Variants in FRMPD1 observed in about 807,000 individuals in gnomAD.
The protein encoded by FRMPD1 is FERM and PDZ domain containing 1.
FRMPD1 carries 76 observed loss-of-function variants against 117.8 expected under a neutral mutation model. The observed-to-expected ratio is 0.65, with a 90% confidence interval of 0.54 to 0.78. FRMPD1 has a LOEUF of 0.78. FRMPD1 is among the 30% of genes least tolerant of loss of function. The probability of loss-of-function intolerance (pLI) is 0.00; values close to 1 mark genes in which losing one functional copy is unlikely to be tolerated. For synonymous variants in FRMPD1, 783 were observed against 770.4 expected (o/e 1.02, Z -0.27); for missense variants, 1,786 against 1,964.5 (o/e 0.91, Z 1.72).
chr9:37,636,599 C>G, the FRMPD1 span: 1 of 960,694 alleles, frequency 1.0e-6, no homozygotes, highest in Non-Finnish European at 1.5e-6. Context: ...CTCAAATGCC[C>G]CAGGAGAGGA....
the FRMPD1 span, among the ~76,000 whole-genome samples, chr9:37,604,453 G>A: frequency 3.3e-5 from 5 of 152,104 alleles, no homozygotes; most frequent in African/African-American, 1.2e-4. Context: ...CTGAGAGGTG[G>A]GTGGAAACAC....
At chr9:37,626,490 G>C in the FRMPD1 span, among the ~76,000 whole-genome samples, 1 of 103,370 alleles carries the variant, frequency 9.7e-6, no homozygotes, top group Non-Finnish European at 1.9e-5. Context: ...GGACGACAGA[G>C]ACTTAGTCTC....
intron 15 of FRMPD1, among the ~76,000 whole-genome samples, chr9:37,742,296 G>A (rs865985992): frequency 2.6e-5 from 4 of 152,154 alleles, no homozygotes; most frequent in African/African-American, 7.2e-5. Context: ...CCATTGTGCC[G>A]GGGGGCAGGA....
At chr9:37,744,279 A>G (rs756696730) in intron 15 of FRMPD1, 110 bp from the exon 16 acceptor site, 12 of 735,640 alleles carry the variant, frequency 1.6e-5, no homozygotes, top group Non-Finnish European at 2.5e-5. Context: ...GCTCAAGGTT[A>G]CACAGCCTAG....
At chr9:37,621,059 G>A in the FRMPD1 span, among the ~76,000 whole-genome samples, 11 of 152,210 alleles carry the variant, frequency 7.2e-5, no homozygotes, top group South Asian at 4.2e-4. Flanking sequence ...AATGATAGTC[G>A]AAATTGATGG....
At chr9:37,717,371 A>ATGTGTG (rs1823181049) in intron 5 of FRMPD1, among the ~76,000 whole-genome samples, 1 of 92,944 alleles carries the variant, frequency 1.1e-5, no homozygotes, top group Non-Finnish European at 2.3e-5. Context: ...GTGTGTGTGT[A>ATGTGTG]TATATATATA....
At chr9:37,721,734 A>G (rs1823406718) in intron 6 of FRMPD1, among the ~76,000 whole-genome samples, 1 of 152,230 alleles carries the variant, frequency 6.6e-6, no homozygotes, top group Non-Finnish European at 1.5e-5. Context: ...CCAAAATGGA[A>G]AAACATGCTC....
intron 2 of FRMPD1, among the ~76,000 whole-genome samples, chr9:37,701,509 A>G (rs1047740238): frequency 2.4e-5 from 2 of 84,610 alleles, no homozygotes; most frequent in African/African-American, 7.2e-5. Flanking sequence ...GTGTGCATGT[A>G]CGTGTGTGTG....
chr9:37,603,273 C>G, the FRMPD1 span, among the ~76,000 whole-genome samples: 1 of 152,180 alleles, frequency 6.6e-6, no homozygotes, highest in Non-Finnish European at 1.5e-5. Context: ...TCTACAGTCT[C>G]TTCCAGGATT....
In FRMPD1 at chr9:37,709,523, C is replaced by A. The variant is rs149878630; in HGVS notation, c.362+1022C>A. Among the ~76,000 whole-genome samples the A allele has an allele frequency of 3.7e-4, 56 of 151,544 alleles. No homozygotes were observed. In the East Asian group the frequency reaches 8.9e-3, roughly 24 times the overall value. ...TGGGCCACGATTGTACCACTGCACT[C>A]CAGCCTGGGTGACAGAACAAGACTC... On this transcript the variant is annotated intron_variant, in intron 4 of 15. Transcript: ENST00000377765.
chr9:37,723,810 TG>T (rs1474281805), intron 6 of FRMPD1, among the ~76,000 whole-genome samples: 2 of 151,580 alleles, frequency 1.3e-5, no homozygotes, highest in Non-Finnish European at 2.9e-5. Context: ...CTGGCCAACA[TG>T]GTGAAACCCC....
intron 2 of FRMPD1, among the ~76,000 whole-genome samples, chr9:37,702,606 C>T (rs550876992): frequency 6.6e-6 from 1 of 152,248 alleles, no homozygotes; most frequent in Non-Finnish European, 1.5e-5. Flanking sequence ...GAGGTAAGAT[C>T]AGTCTGGAGT....
At chr9:37,626,500 CAAAA>C in the FRMPD1 span, among the ~76,000 whole-genome samples, 3 of 87,264 alleles carry the variant, frequency 3.4e-5, no homozygotes, top group Non-Finnish European at 4.6e-5. Flanking sequence ...GACTTAGTCT[CAAAA>C]AAAAAAAAAA....
At chr9:37,741,224 G>A (rs1255739268) in intron 15 of FRMPD1, among the ~76,000 whole-genome samples, 6 of 152,130 alleles carry the variant, frequency 3.9e-5, no homozygotes, top group African/African-American at 1.2e-4. Flanking sequence ...CCGGCAGAGC[G>A]AAGTGGCTAT....
At chr9:37,609,299 A>AAG in the FRMPD1 span, among the ~76,000 whole-genome samples, 1 of 152,084 alleles carries the variant, frequency 6.6e-6, no homozygotes, top group Non-Finnish European at 1.5e-5. Flanking sequence ...TCTCAAAAAA[A>AAG]AAAAAAAAGT....
chr9:37,702,596 G>C (rs530685283), intron 2 of FRMPD1, among the ~76,000 whole-genome samples: 5 of 152,314 alleles, frequency 3.3e-5, no homozygotes, highest in Admixed American at 6.5e-5. Context: ...AAAACTGTTA[G>C]AGGTAAGATC....
At chr9:37,718,724 T>A (rs1239480095) in intron 5 of FRMPD1, among the ~76,000 whole-genome samples, 1 of 152,214 alleles carries the variant, frequency 6.6e-6, no homozygotes, top group Non-Finnish European at 1.5e-5. Flanking sequence ...TTTTCTTTCA[T>A]AAGAATTTGA....
chr9:37,727,910 T>C (rs1823684555), intron 7 of FRMPD1: 1 of 152,274 alleles, frequency 6.6e-6, no homozygotes, highest in Non-Finnish European at 1.5e-5. Context: ...AGGACATTTA[T>C]GATTTCTGTT....
Position 37,740,392 on chromosome 9 carries a change from T to C in FRMPD1, c.1864T>C (p.Ser622Pro), listed in dbSNP as rs1376434745. ...LEEDDLDTCSSSRSTFFHFGS... is the reference protein window; with the variant it reads ...LEEDDLDTCSPSRSTFFHFGS... ...AGAGGATGACTTAGACACCTGCTCC[T>C]CCAGCAGGTCCACCTTCTTCCACTT... Residue 622 changes from serine (S) to proline (P), a missense_variant, in exon 15 of 16, where the codon TCC (serine) becomes CCC (proline). Physicochemically the swap from Ser to Pro is moderately conservative, Grantham distance 74. Transcript: ENST00000377765. This position sits in a 1 kb window ranked among gnomAD's most constrained non-coding sequence, Gnocchi z 4.2. The C allele has an allele frequency of 1.2e-6, 2 of 1,613,306 alleles. No homozygotes were observed. The highest frequency in any genetic ancestry group is 2.7e-5 in the African/African-American group (2 of 74,894).
Sources: allele counts gnomAD v4.1 joint callset (sites outside exome capture counted in the v4.1 genomes callset), GRCh38; gene constraint gnomAD v4.1.1; non-coding constraint Gnocchi (gnomAD v3.1); transcripts MANE v1.5; gene names NCBI Gene and HGNC (gene_info 2026-07-23, HGNC 2026-07-21).